Variants in COL22A1 observed in about 807,000 individuals in gnomAD.
The protein encoded by COL22A1 is collagen type XXII alpha 1 chain, also known as collagen alpha-1(XXII) chain.
Under a neutral mutation model 248.9 loss-of-function variants are expected in COL22A1, and 221 were observed. That is an observed-to-expected ratio of 0.89 (90% CI 0.80 to 0.99). COL22A1 has a LOEUF of 0.99. Ranked by LOEUF, COL22A1 falls within the 50% of genes least tolerant of loss-of-function variation. The pLI is 0.00. For synonymous variants in COL22A1, 891 were observed against 793.4 expected (o/e 1.12, Z -2.07); for missense variants, 2,240 against 2,179.0 (o/e 1.03, Z -0.56).
Position 138,667,020 on chromosome 8 carries a change from T to C in COL22A1, c.3151-3280A>G, listed in dbSNP as rs993084790. Among the ~76,000 whole-genome samples the C allele has an allele frequency of 1.5e-4, 23 of 152,310 alleles. No individual in the cohort carries two copies. The East Asian group carries it at 4.2e-3, about 28-fold the overall frequency. The stretch of plus-strand genomic sequence containing the variant: ...CAGAAATAAAAGAAGATACTATAAG[T>C]AGAGGAGCAGGCAGTGCCCAACCAT... On this transcript the variant is annotated intron_variant, in intron 41 of 64. Transcript: ENST00000303045.
At chr8:138,885,527 C>T (rs1218948618) in intron 1 of COL22A1, among the ~76,000 whole-genome samples, 2 of 152,150 alleles carry the variant, frequency 1.3e-5, no homozygotes, top group Admixed American at 1.3e-4. Context: ...GCCTCAAATC[C>T]CTCCTACCTA....
intron 41 of COL22A1, among the ~76,000 whole-genome samples, chr8:138,666,298 A>C (rs1824497701): frequency 6.6e-6 from 1 of 152,128 alleles, no homozygotes; most frequent in South Asian, 2.1e-4. Flanking sequence ...AATAACTCAC[A>C]CCTGCATAAA....
rs150941296 is a variant in COL22A1 at position 138,879,877 on chromosome 8, A to C, written c.92-1561T>G. ...CAAAACAAAAAAACACTTTGTTGAA[A>C]TACCAGATTGGAAAGGTAGAATGGT... On this transcript the variant is annotated intron_variant, in intron 2 of 64. Coordinates refer to ENST00000303045, the MANE Select transcript of COL22A1 (RefSeq NM_152888.3). Among the ~76,000 whole-genome samples, 806 of 150,118 alleles carry C rather than the reference A, an allele frequency of 5.4e-3. 9 individuals are homozygous for C. Among genetic ancestry groups the C allele is most frequent in the African/African-American group, 0.02 (776 of 39,706 alleles).
chr8:138,755,190 A>G lies in COL22A1; in HGVS notation c.1998T>C (p.Gly666=), dbSNP rs1230648003. ...KGEQGAPGPR[G]HQGAPGPPGA... is the part of the protein sequence containing the mutation. ...CTGGAGGACCGGGGGCGCCTTGGTG[A>G]CCTCTGGGTCCTGGAGCTCCCTGGT... is the stretch of plus-strand genomic sequence containing the variant. The change falls in exon 21 of 65, where the codon GGT becomes GGC. Residue 666 remains glycine (G), a synonymous_variant. Transcript: ENST00000303045. 3 of 1,614,062 alleles carry G rather than the reference A, an allele frequency of 1.9e-6. No homozygotes were observed. The highest frequency in any genetic ancestry group is 3.3e-5 in the Admixed American group (2 of 60,004).
intron 33 of COL22A1, 36 bp downstream of exon 33, chr8:138,694,790 C>A (rs968112797): frequency 1.2e-6 from 2 of 1,609,968 alleles, no homozygotes; most frequent in Non-Finnish European, 1.7e-6. Context: ...CTCCAGGTAA[C>A]CAGCCCTGCG....
rs1179004056 is a variant in COL22A1, at chr8:138,755,179, G to A, written c.2009C>T (p.Ala670Val). Residue 670 changes from alanine (A) to valine (V), a missense_variant, in exon 21 of 65, where the codon GCC becomes GTC. Physicochemically the swap from Ala to Val is moderately conservative, Grantham distance 64. Coordinates refer to ENST00000303045, the MANE Select transcript of COL22A1 (RefSeq NM_152888.3). ...GAPGPRGHQG[A>V]PGPPGARGPI... ...TACCCGAGCTCCTGGAGGACCGGGG[G>A]CGCCTTGGTGACCTCTGGGTCCTGG... 6.2e-6 allele frequency: 10 copies of A among 1,614,014 alleles called. No individual in the cohort carries two copies. Among genetic ancestry groups the A allele is most frequent in the South Asian group, 1.1e-5 (1 of 91,088 alleles).
At chr8:138,780,890 C>G in intron 13 of COL22A1, 37 bp downstream of exon 13, 1 of 1,578,756 alleles carries the variant, frequency 6.3e-7, no homozygotes, top group South Asian at 1.1e-5. Flanking sequence ...CAGCCTAGTA[C>G]TGCCTTGTGA....
rs535112853 is a variant in COL22A1 at position 138,677,211 on chromosome 8, C to A, written c.3073-576G>T. Among the ~76,000 whole-genome samples the A allele has an allele frequency of 7.2e-5, 11 of 152,352 alleles. No individual in the cohort carries two copies. The South Asian group carries it at 2.3e-3, about 32-fold the overall frequency. On this transcript the variant is annotated intron_variant, in intron 40 of 64. Coordinates refer to ENST00000303045, the MANE Select transcript of COL22A1 (RefSeq NM_152888.3). ...TGGATTTAAGTTCTGGTTTCAACAC[C>A]TATTAACTGTTAACTTAGGAAAGTG...
intron 60 of COL22A1, among the ~76,000 whole-genome samples, chr8:138,600,768 C>A (rs1326054404): frequency 3.3e-5 from 5 of 152,208 alleles, no homozygotes; most frequent in African/African-American, 1.2e-4. Flanking sequence ...GAAGTCACTT[C>A]AATTTTCCAA....
At chr8:138,691,422 T>A (rs1019086306) in intron 35 of COL22A1, among the ~76,000 whole-genome samples, 1 of 151,278 alleles carries the variant, frequency 6.6e-6, no homozygotes, top group Non-Finnish European at 1.5e-5. Flanking sequence ...TGCACGTCCA[T>A]GTGTGCACGT....
chr8:138,668,788 G>A (rs1331909197), intron 41 of COL22A1, among the ~76,000 whole-genome samples: 2 of 152,218 alleles, frequency 1.3e-5, no homozygotes, highest in Non-Finnish European at 2.9e-5. Flanking sequence ...CAGGTGAGAG[G>A]AAAATCTCTG....
Position 138,833,316 on chromosome 8 carries a change from C to CGAGTAATG in COL22A1, c.734-174_734-167dup, listed in dbSNP as rs559740255. 2.7e-4 allele frequency among the ~76,000 whole-genome samples: 41 copies of CGAGTAATG among 152,298 alleles called. No homozygotes were observed. The East Asian group carries it at 7.5e-3, about 28-fold the overall frequency. On this transcript the variant is annotated intron_variant, in intron 4 of 64. Transcript: ENST00000303045. ...TATTCAGGGAGAAAACACAAGCACC[C>CGAGTAATG]GAGTAATGGGACGTATAGCCTTGGC...
chr8:138,755,500 C>G lies in COL22A1; in HGVS notation c.1959G>C (p.Glu653Asp), dbSNP rs1453770963. Residue 653 changes from glutamate (E) to aspartate (D), a missense_variant, in exon 20 of 65, where the codon GAG becomes GAC. Physicochemically the swap from Glu to Asp is conservative, Grantham distance 45. Coordinates refer to ENST00000303045, the MANE Select transcript of COL22A1 (RefSeq NM_152888.3). ...PGVPGSVVQQ[E>D]GLKGEQGAPG... is the part of the protein sequence containing the mutation. Reference sequence around the variant, plus strand: ...CTCTTACCTGTTCCCCTTTCAAGCCCTCTTGCTGCACCTGAGAGACAAAGC... The same window carrying G: ...CTCTTACCTGTTCCCCTTTCAAGCCGTCTTGCTGCACCTGAGAGACAAAGC... 12 of 1,614,136 alleles carry G rather than the reference C, an allele frequency of 7.4e-6. No homozygotes were observed. Among genetic ancestry groups the G allele is most frequent in the Non-Finnish European group, 1.0e-5 (12 of 1,179,996 alleles).
chr8:138,706,694 T>C (rs1828486058), intron 30 of COL22A1, among the ~76,000 whole-genome samples: 1 of 152,144 alleles, frequency 6.6e-6, no homozygotes, highest in South Asian at 2.1e-4. Context: ...AGGAAAGATC[T>C]AAAATTGACA....
In COL22A1 at chr8:138,693,669, C is replaced by A; in HGVS notation, c.2731G>T (p.Ala911Ser). ...ACGGGGTTTCCAGCTGCTCCAGGAG[C>A]CCCATGTGCACCTTCCTGTCCCTTG... ...GAKGQEGAHG[A>S]PGAAGNPGAP... Residue 911 changes from alanine to serine, a missense_variant, in exon 35 of 65, where the codon GCT becomes TCT. Ala to Ser is a moderately conservative substitution (Grantham distance 99, BLOSUM62 1). Transcript: ENST00000303045. 1 of 1,585,970 alleles carries A rather than the reference C, an allele frequency of 6.3e-7. No homozygotes were observed. The highest frequency in any genetic ancestry group is 8.6e-7 in the Non-Finnish European group (1 of 1,165,918).
chr8:138,593,760 G>C (rs1817286570), intron 63 of COL22A1, among the ~76,000 whole-genome samples: 1 of 152,220 alleles, frequency 6.6e-6, no homozygotes. Flanking sequence ...AACTTGAGCA[G>C]CGGAGATGGA....
intron 43 of COL22A1, 149 bp from the exon 44 acceptor site, chr8:138,660,629 A>C: frequency 1.5e-6 from 1 of 665,378 alleles, no homozygotes; most frequent in Non-Finnish European, 2.6e-6. Context: ...CACCAATAAA[A>C]ATGCGTGGTT....
At chr8:138,761,739 T>A (rs983094475) in intron 17 of COL22A1, among the ~76,000 whole-genome samples, 1 of 152,220 alleles carries the variant, frequency 6.6e-6, no homozygotes, top group Non-Finnish European at 1.5e-5. Flanking sequence ...AATTTAAATA[T>A]GTAAATGTAG....
At chr8:138,703,956 A>T (rs1202537644) in intron 30 of COL22A1, among the ~76,000 whole-genome samples, 1 of 152,166 alleles carries the variant, frequency 6.6e-6, no homozygotes, top group Non-Finnish European at 1.5e-5. Context: ...AGTCTTAGCA[A>T]ACGGCACACC....
Sources: allele counts gnomAD v4.1 joint callset (sites outside exome capture counted in the v4.1 genomes callset), GRCh38; gene constraint gnomAD v4.1.1; transcripts MANE v1.5; gene names NCBI Gene and HGNC (gene_info 2026-07-23, HGNC 2026-07-21).